Variants in VPS13A observed in about 807,000 individuals in gnomAD.
VPS13A encodes vacuolar protein sorting 13 homolog A, also known as intermembrane lipid transfer protein VPS13A.
In VPS13A, 264 loss-of-function variants were observed where a neutral mutation model predicts 390.9. That is an observed-to-expected ratio of 0.68 (90% confidence interval 0.61 to 0.75). The LOEUF is 0.75. Among genes scored for constraint, VPS13A ranks in the 30% least tolerant of loss-of-function variants. VPS13A has a pLI of 0.00. For synonymous variants in VPS13A, 1,231 were observed against 1,227.1 expected (o/e 1.00, Z -0.07); for missense variants, 3,409 against 3,733.9 (o/e 0.91, Z 2.27).
chr9:77,387,282 G>T (rs1257449676), intron 68 of VPS13A, among the ~76,000 whole-genome samples: 2 of 152,140 alleles, frequency 1.3e-5, no homozygotes, highest in Admixed American at 1.3e-4. Flanking sequence ...ATGAACTCTT[G>T]TTTATCAATG....
chr9:77,361,090 T>C (rs1273020791), intron 59 of VPS13A, among the ~76,000 whole-genome samples: 1 of 152,122 alleles, frequency 6.6e-6, no homozygotes, highest in Non-Finnish European at 1.5e-5. Context: ...CATAGATTCA[T>C]GGATGGAGAA....
intron 68 of VPS13A, among the ~76,000 whole-genome samples, chr9:77,389,437 C>G (rs1383161616): frequency 2.0e-5 from 3 of 151,762 alleles, no homozygotes; most frequent in Admixed American, 6.6e-5. Context: ...TCCCAAGTAG[C>G]TGGGACTACA....
chr9:77,183,771 A>G (rs1824163687), intron 1 of VPS13A, among the ~76,000 whole-genome samples: 1 of 152,244 alleles, frequency 6.6e-6, no homozygotes, highest in South Asian at 2.1e-4. Flanking sequence ...TCATACAAAG[A>G]TTTGCACACA....
At chr9:77,303,880 G>A (rs911590063) in intron 34 of VPS13A, among the ~76,000 whole-genome samples, 1 of 152,150 alleles carries the variant, frequency 6.6e-6, no homozygotes, top group Admixed American at 6.5e-5. Context: ...TTGAACAAAT[G>A]TACAATTGGG....
At chr9:77,401,730 T>A (rs1374009194) in intron 68 of VPS13A, among the ~76,000 whole-genome samples, 1 of 152,188 alleles carries the variant, frequency 6.6e-6, no homozygotes, top group Non-Finnish European at 1.5e-5. Flanking sequence ...ATTTGCATAA[T>A]TTATAAATTA....
chr9:77,220,440 A>G, intron 12 of VPS13A, 57 bp downstream of exon 12: 1 of 1,181,898 alleles, frequency 8.5e-7, no homozygotes, highest in Non-Finnish European at 1.2e-6. Flanking sequence ...ATAAAAATAA[A>G]TTTCTCGACT....
chr9:77,360,513 A>G lies in VPS13A; in HGVS notation c.8106-23A>G, dbSNP rs200563188. ...GTTGTTAATTGATGATTTTTAAAAA[A>G]TGTTTTCTACTTTGTAATACAGGTA... On this transcript the variant is annotated intron_variant, in intron 58 of 71. Coordinates refer to ENST00000360280, the MANE Select transcript of VPS13A (RefSeq NM_033305.3). The G allele has an allele frequency of 6.1e-5, 94 of 1,548,080 alleles. No homozygotes were observed. The East Asian group carries it at 1.7e-3, about 28-fold the overall frequency.
rs1829752539 is a variant in VPS13A at position 77,321,590 on chromosome 9, C to A, written c.5674C>A (p.Pro1892Thr). 2.5e-6 allele frequency: 4 copies of A among 1,613,290 alleles called. No individual in the cohort carries two copies. In the Admixed American group the frequency reaches 5.0e-5, roughly 20 times the overall value. ...CCTTGGACTTACTATTTCTGTTTCG[C>A]CAAGTGATTCTTTTAGTGTACTCAA... Reference protein sequence around the residue: ...NSLGLTISVSPSDSFSVLNIP... With the variant: ...NSLGLTISVSTSDSFSVLNIP... The change falls in exon 44 of 72, where the codon CCA becomes ACA. Residue 1892 changes from proline (P) to threonine (T), a missense_variant. Pro to Thr is a conservative substitution (Grantham distance 38). This residue lies in a region of VPS13A where 2,717 missense variants were observed against 2,917.4 expected (regional missense o/e 0.93). Coordinates refer to ENST00000360280, the MANE Select transcript of VPS13A (RefSeq NM_033305.3).
At chr9:77,180,606 G>A (rs1823951094) in intron 1 of VPS13A, among the ~76,000 whole-genome samples, 1 of 152,188 alleles carries the variant, frequency 6.6e-6, no homozygotes, top group South Asian at 2.1e-4. Context: ...TAAGGTGTGT[G>A]ATATGTGTTG....
Position 77,303,038 on chromosome 9 carries a change from A to G in VPS13A, c.3936A>G (p.Val1312=). ...ACCAGGAAGTTCCTTGTTTTAATGT[A>G]AATGCTCAGCTGAAACCAATGGAGG... is the stretch of plus-strand genomic sequence containing the variant. ...EWYQEVPCFN[V]NAQLKPMEFI... is the part of the protein sequence containing the mutation. The change falls in exon 34 of 72, where the codon GTA becomes GTG. Residue 1312 remains valine, a synonymous_variant. Transcript: ENST00000360280. 6.2e-7 allele frequency: 1 copy of G among 1,614,022 alleles called. No individual in the cohort carries two copies. Among genetic ancestry groups the G allele is most frequent in the Non-Finnish European group, 8.5e-7 (1 of 1,179,956 alleles).
intron 17 of VPS13A, among the ~76,000 whole-genome samples, chr9:77,234,203 T>G (rs1340131728): frequency 1.3e-5 from 2 of 152,112 alleles, no homozygotes; most frequent in Non-Finnish European, 2.9e-5. Flanking sequence ...AGATACAGGG[T>G]CTTGCTTTGC....
intron 20 of VPS13A, among the ~76,000 whole-genome samples, chr9:77,247,709 G>A (rs1824901326): frequency 6.6e-6 from 1 of 152,140 alleles, no homozygotes; most frequent in South Asian, 2.1e-4. Context: ...CGCCCAGGCT[G>A]GAATACAGTA....
intron 42 of VPS13A, 115 bp from the exon 43 acceptor site, chr9:77,321,054 A>T: frequency 1.0e-6 from 1 of 962,718 alleles, no homozygotes; most frequent in Non-Finnish European, 1.6e-6. Context: ...AATAGAACTT[A>T]CTGAAATTAG....
rs1008593625 is a variant in VPS13A, at chr9:77,250,999, G to T, written c.2170+770G>T. Among the ~76,000 whole-genome samples the T allele has an allele frequency of 1.6e-4, 25 of 152,202 alleles. 1 individual carries two copies. The highest frequency in any genetic ancestry group is 1.6e-3 in the Admixed American group (24 of 15,282). On this transcript the variant is annotated intron_variant, in intron 21 of 71. Coordinates refer to ENST00000360280, the MANE Select transcript of VPS13A (RefSeq NM_033305.3). ...GTAGAGATCTAAGTGTTTGTATGCA[G>T]TCAGATTTTAATTACCTGAGCTAAC...
intron 68 of VPS13A, chr9:77,390,217 G>T: frequency 1.3e-5 from 9 of 668,876 alleles, no homozygotes; most frequent in Non-Finnish European, 1.3e-5. Context: ...TCTCCAGAAG[G>T]ATACTTCTGA....
intron 50 of VPS13A, among the ~76,000 whole-genome samples, chr9:77,342,839 G>C (rs1587623307): frequency 1.3e-5 from 2 of 152,192 alleles, no homozygotes; most frequent in Admixed American, 1.3e-4. Flanking sequence ...TACCACCTGT[G>C]CTGGAATGGC....
intron 68 of VPS13A, chr9:77,390,155 G>C: frequency 1.0e-6 from 1 of 976,214 alleles, no homozygotes; most frequent in Non-Finnish European, 1.2e-6. Flanking sequence ...AAGTGGACAA[G>C]AACTAGGAGA....
chr9:77,302,592 C>CA (rs1360329889), intron 33 of VPS13A, among the ~76,000 whole-genome samples: 1 of 151,824 alleles, frequency 6.6e-6, no homozygotes, highest in African/African-American at 2.4e-5. Flanking sequence ...AGGCTGGTCT[C>CA]AAACTCCTAA....
At chr9:77,373,442 G>A (rs1832892303) in intron 67 of VPS13A, among the ~76,000 whole-genome samples, 1 of 125,408 alleles carries the variant, frequency 8.0e-6, no homozygotes, top group Non-Finnish European at 1.8e-5. Flanking sequence ...TATGTAGAAA[G>A]CTGAAACTGG....
Sources: gnomAD v4.1 joint callset for allele counts (sites outside exome capture counted in the v4.1 genomes callset) on GRCh38, gnomAD v4.1.1 for gene constraint, gnomAD v4.1.1 regional missense constraint, MANE v1.5 for transcripts, NCBI Gene and HGNC (gene_info 2026-07-23, HGNC 2026-07-21) for gene names.